Variants in RALB observed in about 807,000 individuals in gnomAD.
RALB encodes the protein ras-related protein Ral-B.
A neutral mutation model predicts 21.3 loss-of-function variants in RALB; 16 were observed. That is an observed-to-expected ratio of 0.75 (90% CI 0.51 to 1.14). The LOEUF is 1.14. Ranked by LOEUF, RALB falls within the 50% of genes most tolerant of loss-of-function variation. RALB has a pLI of 0.00. For synonymous variants in RALB, 93 were observed against 96.1 expected (o/e 0.97, Z 0.19); for missense variants, 161 against 256.2 (o/e 0.63, Z 2.54).
intron 1 of RALB, among the ~76,000 whole-genome samples, chr2:120,275,855 G>A (rs1482756636): frequency 6.6e-6 from 1 of 152,172 alleles, no homozygotes; most frequent in Non-Finnish European, 1.5e-5. Flanking sequence ...AAATTGAATA[G>A]GAGAAAGAAA....
In RALB at chr2:120,284,274, C is replaced by T. The variant is rs563443726; in HGVS notation, c.115-1600C>T. 2.6e-5 allele frequency among the ~76,000 whole-genome samples: 4 copies of T among 152,270 alleles called. No homozygotes were observed. The South Asian group carries it at 6.2e-4, about 24-fold the overall frequency. On this transcript the variant is annotated intron_variant, in intron 2 of 4. Coordinates refer to ENST00000272519, the MANE Select transcript of RALB (RefSeq NM_002881.3). ...ACTGACAATACAAGGCTCTTTTTAACAGTCTTCCTCAAATAACCTTTAATT... is the reference window on the plus strand; with the variant it reads ...ACTGACAATACAAGGCTCTTTTTAATAGTCTTCCTCAAATAACCTTTAATT...
intron 1 of RALB, among the ~76,000 whole-genome samples, chr2:120,256,027 C>T (rs557841562): frequency 6.6e-6 from 1 of 152,288 alleles, no homozygotes; most frequent in East Asian, 1.9e-4. Context: ...TCTGTTGCTG[C>T]ATAACAAATT....
At chr2:120,276,687 C>T (rs1454982849) in intron 1 of RALB, among the ~76,000 whole-genome samples, 1 of 152,230 alleles carries the variant, frequency 6.6e-6, no homozygotes, top group Admixed American at 6.5e-5. Flanking sequence ...TTTCTACCTC[C>T]TGTATCACTC....
chr2:120,283,329 A>T (rs1347245466), intron 2 of RALB, among the ~76,000 whole-genome samples: 1 of 152,174 alleles, frequency 6.6e-6, no homozygotes, highest in Non-Finnish European at 1.5e-5. Context: ...AGTGTATTTT[A>T]TGCGTGGCCC....
chr2:120,253,213 A>C, intron 1 of RALB: 1 of 329,626 alleles, frequency 3.0e-6, no homozygotes, highest in Non-Finnish European at 4.3e-6. Flanking sequence ...GGGCTGAGGA[A>C]GTGGGGGCGG....
upstream of RALB, among the ~76,000 whole-genome samples, chr2:120,250,013 T>C (rs1218974133): frequency 2.6e-5 from 4 of 152,206 alleles, no homozygotes; most frequent in African/African-American, 7.2e-5. Context: ...CTAAGATTGA[T>C]TTTTCTCATC....
chr2:120,260,142 C>A (rs1689324283), intron 1 of RALB, among the ~76,000 whole-genome samples: 1 of 152,272 alleles, frequency 6.6e-6, no homozygotes, highest in Non-Finnish European at 1.5e-5. Flanking sequence ...CCCTCCACAC[C>A]TCCCTGCAAG....
intron 4 of RALB, 58 bp downstream of exon 4, chr2:120,289,815 G>GCATCT (rs1690265464): frequency 6.7e-7 from 1 of 1,482,120 alleles, no homozygotes; most frequent in African/African-American, 1.4e-5. Context: ...CAGAATGGAG[G>GCATCT]CATCTCATCT....
chr2:120,278,071 G>T, intron 1 of RALB, among the ~76,000 whole-genome samples: 1 of 151,906 alleles, frequency 6.6e-6, no homozygotes, highest in Non-Finnish European at 1.5e-5. Flanking sequence ...GTGTGAGTGT[G>T]AGCATGTGTG....
At chr2:120,247,109 G>A (rs1258485237) in intron 1 of RALB, among the ~76,000 whole-genome samples, 1 of 152,216 alleles carries the variant, frequency 6.6e-6, no homozygotes, top group Non-Finnish European at 1.5e-5. Flanking sequence ...TGCAGCTGTT[G>A]TTCCCGTGCA....
At chr2:120,258,342 C>T (rs1209954440) in intron 1 of RALB, among the ~76,000 whole-genome samples, 1 of 152,200 alleles carries the variant, frequency 6.6e-6, no homozygotes, top group Non-Finnish European at 1.5e-5. Flanking sequence ...TTTGCTTCCT[C>T]TTGCTTCAGG....
intron 3 of RALB, among the ~76,000 whole-genome samples, chr2:120,289,109 A>G (rs13398083): frequency 0.011 from 1,612 of 152,326 alleles, 32 homozygotes; most frequent in African/African-American, 0.037. Context: ...ATAGGCTGCC[A>G]CCTTCCATAT....
chr2:120,270,181 C>G (rs1042370347), intron 1 of RALB, among the ~76,000 whole-genome samples: 1 of 144,178 alleles, frequency 6.9e-6, no homozygotes, highest in Non-Finnish European at 1.5e-5. Context: ...TCTTTCAGTT[C>G]TTCTTATAAT....
intron 1 of RALB, chr2:120,253,579 C>G (rs1689117541): frequency 1.3e-5 from 13 of 985,414 alleles, no homozygotes; most frequent in African/African-American, 1.7e-5. Flanking sequence ...ATCGCCGTCC[C>G]GGTTCTTGCC....
chr2:120,275,216 T>C (rs1689760647), intron 1 of RALB, among the ~76,000 whole-genome samples: 1 of 152,274 alleles, frequency 6.6e-6, no homozygotes, highest in South Asian at 2.1e-4. Context: ...AAAAGGTGTC[T>C]CAATTCTAAC....
chr2:120,292,135 A>G (rs1477925862), intron 4 of RALB, among the ~76,000 whole-genome samples: 1 of 152,198 alleles, frequency 6.6e-6, no homozygotes, highest in African/African-American at 2.4e-5. Flanking sequence ...GATAATCCAT[A>G]TCTAAGTAAC....
At chr2:120,275,316 T>C (rs1161183431) in intron 1 of RALB, among the ~76,000 whole-genome samples, 1 of 152,146 alleles carries the variant, frequency 6.6e-6, no homozygotes, top group Non-Finnish European at 1.5e-5. Flanking sequence ...AATCCTAAAT[T>C]ACCAAGAACA....
chr2:120,275,729 T>C (rs1455952289), intron 1 of RALB, among the ~76,000 whole-genome samples: 1 of 152,140 alleles, frequency 6.6e-6, no homozygotes, highest in Non-Finnish European at 1.5e-5. Context: ...CATGTTGTAG[T>C]TAGAATGAAC....
At chr2:120,244,898 T>C (rs556773511) in intron 1 of RALB, among the ~76,000 whole-genome samples, 1 of 152,304 alleles carries the variant, frequency 6.6e-6, no homozygotes, top group Non-Finnish European at 1.5e-5. Context: ...CAGGCTGTGA[T>C]ACAGTGGGAG....
Sources: allele counts gnomAD v4.1 joint callset (sites outside exome capture counted in the v4.1 genomes callset), GRCh38; gene constraint gnomAD v4.1.1; transcripts MANE v1.5; gene names NCBI Gene and HGNC (gene_info 2026-07-23, HGNC 2026-07-21).